The following CACNA2D1 variants were observed in gnomAD, a reference collection of about 807,000 sequenced individuals.
The protein encoded by CACNA2D1 is calcium voltage-gated channel auxiliary subunit alpha2delta 1, also known as voltage-dependent calcium channel subunit alpha-2/delta-1.
A neutral mutation model predicts 171.5 loss-of-function variants in CACNA2D1; 53 were observed. That is an observed-to-expected ratio of 0.31 (90% CI 0.25 to 0.39). CACNA2D1 has a LOEUF of 0.39. Ranked by LOEUF, CACNA2D1 falls within the 10% of genes least tolerant of loss-of-function variation. CACNA2D1 has a pLI of 1.00. For missense variants in CACNA2D1, 903 were observed against 1,299.8 expected (o/e 0.69, Z 4.69); for synonymous variants, 442 against 443.1 (o/e 1.00, Z 0.03).
intron 8 of CACNA2D1, 124 bp downstream of exon 8, chr7:82,066,331 T>A: frequency 1.5e-6 from 2 of 1,306,426 alleles, no homozygotes; most frequent in Non-Finnish European, 1.1e-6. Flanking sequence ...TACTTATTTT[T>A]AAAAATCAGA....
chr7:82,385,655 GT>G (rs1271298854), intron 1 of CACNA2D1, among the ~76,000 whole-genome samples: 3 of 151,662 alleles, frequency 2.0e-5, no homozygotes, highest in Non-Finnish European at 4.4e-5. Flanking sequence ...TGGTTGTTTT[GT>G]TTTGTTTTGT....
intron 4 of CACNA2D1, among the ~76,000 whole-genome samples, chr7:82,138,097 A>G (rs1426005437): frequency 6.6e-6 from 1 of 152,218 alleles, no homozygotes; most frequent in Non-Finnish European, 1.5e-5. Flanking sequence ...TCACAGAGAC[A>G]ATGTATAACT....
chr7:82,339,583 C>T (rs545793014), intron 2 of CACNA2D1, among the ~76,000 whole-genome samples: 2 of 152,286 alleles, frequency 1.3e-5, no homozygotes, highest in South Asian at 4.1e-4. Flanking sequence ...GAGTCAATGG[C>T]ATGTAACGAG....
At chr7:82,203,855 A>G (rs1799733363) in intron 3 of CACNA2D1, among the ~76,000 whole-genome samples, 1 of 144,018 alleles carries the variant, frequency 6.9e-6, no homozygotes, top group Non-Finnish European at 1.5e-5. Context: ...CTTACCTAAT[A>G]GCAGATGGAT....
At chr7:81,970,824 G>T in intron 26 of CACNA2D1, 87 bp from the exon 27 acceptor site, 1 of 797,354 alleles carries the variant, frequency 1.3e-6, no homozygotes, top group African/African-American at 1.7e-5. Flanking sequence ...AGAGAAGTAA[G>T]TTTAGGAAGT....
chr7:82,017,397 T>C lies in CACNA2D1; in HGVS notation c.1144-2918A>G, dbSNP rs534360931. Reference sequence around the variant, plus strand: ...AAGAATTTTAACTTCACTGATTTCATAAACTTTCACATTACATATTGTATA... The same window carrying C: ...AAGAATTTTAACTTCACTGATTTCACAAACTTTCACATTACATATTGTATA... On this transcript the variant is annotated intron_variant, in intron 12 of 38. Coordinates refer to ENST00000356860, the MANE Select transcript of CACNA2D1 (RefSeq NM_000722.4). Among the ~76,000 whole-genome samples, 160 of 152,282 alleles carry C rather than the reference T, an allele frequency of 1.1e-3. 2 individuals are homozygous for C. The South Asian group carries it at 0.033, about 31-fold the overall frequency.
rs538387758 is a variant in CACNA2D1 at position 82,138,179 on chromosome 7, TTTTG to T, written c.355-1507_355-1504del. Among the ~76,000 whole-genome samples the T allele has an allele frequency of 4.0e-5, 6 of 151,096 alleles. No homozygotes were observed. In the East Asian group the frequency reaches 7.7e-4, roughly 19 times the overall value. On this transcript the variant is annotated intron_variant, in intron 4 of 38. Coordinates refer to ENST00000356860, the MANE Select transcript of CACNA2D1 (RefSeq NM_000722.4). ...TTATTTACCACAGAAATCTGCCTGT[TTTTG>T]TTTGAGAAACATACCACGAGACTGA...
At chr7:82,227,239 A>G (rs1802459028) in intron 3 of CACNA2D1, among the ~76,000 whole-genome samples, 1 of 152,202 alleles carries the variant, frequency 6.6e-6, no homozygotes, top group South Asian at 2.1e-4. Context: ...CAAGGTTGGG[A>G]AGACTTGAAA....
chr7:82,091,816 A>G (rs1811207924), intron 6 of CACNA2D1, among the ~76,000 whole-genome samples: 1 of 152,216 alleles, frequency 6.6e-6, no homozygotes, highest in Non-Finnish European at 1.5e-5. Context: ...ATAGCCTAGA[A>G]TCACAATCAC....
intron 32 of CACNA2D1, among the ~76,000 whole-genome samples, chr7:81,965,333 A>G (rs1430156887): frequency 6.6e-6 from 1 of 151,968 alleles, no homozygotes. Context: ...AATATCAGAA[A>G]GATTAAAAGT....
At chr7:82,402,705 CAAAAAAAAAAAAA>C (rs59290672) in intron 1 of CACNA2D1, among the ~76,000 whole-genome samples, 5 of 64,824 alleles carry the variant, frequency 7.7e-5, no homozygotes, top group African/African-American at 1.8e-4. Flanking sequence ...GACTCTGTCT[CAAAAAAAAAAAAA>C]AAAAAAAAAA....
chr7:82,244,750 C>T (rs187346140), intron 3 of CACNA2D1, among the ~76,000 whole-genome samples: 1 of 152,220 alleles, frequency 6.6e-6, no homozygotes, highest in African/African-American at 2.4e-5. Flanking sequence ...AGCCTCATTA[C>T]TTAGGAATCC....
chr7:82,029,179 C>T (rs368238656), intron 12 of CACNA2D1: 8 of 151,908 alleles, frequency 5.3e-5, no homozygotes, highest in African/African-American at 1.9e-4. Context: ...TAAGGCAAGA[C>T]CCTCCACCAG....
chr7:82,017,233 G>C (rs1462962123), intron 12 of CACNA2D1, among the ~76,000 whole-genome samples: 2 of 151,880 alleles, frequency 1.3e-5, no homozygotes, highest in African/African-American at 2.4e-5. Flanking sequence ...TTTAATATAA[G>C]TCATTCAAAA....
chr7:82,360,115 T>C (rs756371031), intron 1 of CACNA2D1, among the ~76,000 whole-genome samples: 2 of 152,190 alleles, frequency 1.3e-5, no homozygotes, highest in South Asian at 2.1e-4. Flanking sequence ...CATGATCTGA[T>C]TCATGGTTTG....
chr7:82,335,435 C>A (rs571006638), intron 2 of CACNA2D1, among the ~76,000 whole-genome samples, 184 bp from the exon 3 acceptor site: 1 of 152,136 alleles, frequency 6.6e-6, no homozygotes, highest in African/African-American at 2.4e-5. Context: ...GCTCTAGGAC[C>A]ACCAGCTTGC....
chr7:81,990,453 T>C (rs2130732513), intron 21 of CACNA2D1, among the ~76,000 whole-genome samples: 1 of 152,158 alleles, frequency 6.6e-6, no homozygotes, highest in South Asian at 2.1e-4. Context: ...AGTTGAAATC[T>C]TTATAGGAAT....
At chr7:82,227,006 T>C (rs575747472) in intron 3 of CACNA2D1, among the ~76,000 whole-genome samples, 18 of 152,220 alleles carry the variant, frequency 1.2e-4, no homozygotes, top group Non-Finnish European at 2.5e-4. Flanking sequence ...TTGGCACTTA[T>C]TACTTATCCA....
At chr7:82,393,311 C>G (rs1190811933) in intron 1 of CACNA2D1, among the ~76,000 whole-genome samples, 1 of 152,088 alleles carries the variant, frequency 6.6e-6, no homozygotes, top group East Asian at 1.9e-4. Context: ...ACCTCTTATA[C>G]AAAGAACAGC....
Sources: gnomAD v4.1 joint callset for allele counts (sites outside exome capture counted in the v4.1 genomes callset) on GRCh38, gnomAD v4.1.1 for gene constraint, MANE v1.5 for transcripts, NCBI Gene and HGNC (gene_info 2026-07-23, HGNC 2026-07-21) for gene names.